Variants in OR3A2 observed in about 807,000 individuals in gnomAD.
OR3A2 encodes olfactory receptor family 3 subfamily A member 2.
For synonymous variants in OR3A2, 126 were observed against 159.3 expected (o/e 0.79, Z 1.57); for missense variants, 318 against 392.8 (o/e 0.81, Z 1.61).
intron 3 of OR3A2, among the ~76,000 whole-genome samples, chr17:3,314,399 TTAAA>T (rs753842824): frequency 6.6e-6 from 1 of 152,232 alleles, no homozygotes. Context: ...TGTAAATAAT[TTAAA>T]TAAAAAGCAT....
At chr17:3,291,899 G>A (rs1276724360) in intron 3 of OR3A2, 1 of 1,614,246 alleles carries the variant, frequency 6.2e-7, no homozygotes. Context: ...GAATTCGCAG[G>A]ACTGCAGCTG....
chr17:3,360,226 G>T (rs1006625485), intron 2 of OR3A2, among the ~76,000 whole-genome samples: 3 of 150,836 alleles, frequency 2.0e-5, no homozygotes, highest in Admixed American at 6.6e-5. Flanking sequence ...CTTCTTTTGC[G>T]AAGTGTCTGT....
At chr17:3,310,051 T>C (rs563371231) in intron 3 of OR3A2, 3 of 241,744 alleles carry the variant, frequency 1.2e-5, no homozygotes, top group African/African-American at 4.4e-5. Context: ...TTCCCCTTTC[T>C]ACATCAATTC....
chr17:3,382,631 G>A (rs1329781662), intron 2 of OR3A2, among the ~76,000 whole-genome samples: 2 of 152,158 alleles, frequency 1.3e-5, no homozygotes, highest in Non-Finnish European at 2.9e-5. Context: ...CAGCACTAGG[G>A]AGGAAGAGGC....
chr17:3,333,216 A>G (rs1380269288), intron 3 of OR3A2, among the ~76,000 whole-genome samples: 1 of 152,182 alleles, frequency 6.6e-6, no homozygotes, highest in East Asian at 1.9e-4. Flanking sequence ...AAGGACTGAA[A>G]TACGCCCTGG....
At chr17:3,291,832 CCA>C in intron 3 of OR3A2, 1 of 1,613,900 alleles carries the variant, frequency 6.2e-7, no homozygotes, top group Non-Finnish European at 8.5e-7. Context: ...AATATGGCAA[CCA>C]CAGTGAGGTG....
At chr17:3,345,444 GAC>G (rs2049355210) in intron 2 of OR3A2, among the ~76,000 whole-genome samples, 1 of 151,480 alleles carries the variant, frequency 6.6e-6, no homozygotes, top group African/African-American at 2.4e-5. Context: ...GAGAGATAGA[GAC>G]AGAGAGAGAG....
chr17:3,326,190 T>A (rs533501925), intron 3 of OR3A2, among the ~76,000 whole-genome samples: 1 of 152,130 alleles, frequency 6.6e-6, no homozygotes, highest in East Asian at 1.9e-4. Context: ...CAGTCTATCA[T>A]TGATGGGCAT....
chr17:3,293,190 A>G (rs1037028585), intron 3 of OR3A2, among the ~76,000 whole-genome samples: 1 of 151,752 alleles, frequency 6.6e-6, no homozygotes, highest in African/African-American at 2.4e-5. Context: ...GAGGCAATCA[A>G]CAAAAAACAA....
chr17:3,371,097 T>C (rs1019291480), intron 2 of OR3A2, among the ~76,000 whole-genome samples: 13 of 151,876 alleles, frequency 8.6e-5, no homozygotes, highest in African/African-American at 2.4e-5. Flanking sequence ...AAAACCACCA[T>C]TGTCATCATG....
intron 3 of OR3A2, among the ~76,000 whole-genome samples, chr17:3,295,301 A>T (rs1307177915): frequency 1.3e-5 from 2 of 152,106 alleles, no homozygotes; most frequent in Non-Finnish European, 2.9e-5. Context: ...TTAATATAAC[A>T]TAATCAAATA....
At chr17:3,336,243 C>T (rs2049273979) in intron 2 of OR3A2, 117 bp from the exon 2 acceptor site, 1 of 152,312 alleles carries the variant, frequency 6.6e-6, no homozygotes, top group South Asian at 2.1e-4. Context: ...CAGTACAGTG[C>T]TTTTCAGTGA....
chr17:3,329,974 G>A (rs1381596235), intron 3 of OR3A2, among the ~76,000 whole-genome samples: 2 of 146,472 alleles, frequency 1.4e-5, no homozygotes, highest in African/African-American at 2.7e-5. Flanking sequence ...TATGTATCCA[G>A]TAGTCATTCA....
chr17:3,371,833 CCA>C (rs1330967999), intron 2 of OR3A2, among the ~76,000 whole-genome samples: 4 of 138,080 alleles, frequency 2.9e-5, no homozygotes, highest in African/African-American at 1.1e-4. Context: ...GCTGACCTCC[CCA>C]CCACCTCCCG....
At position 3,311,580 on chromosome 17, in the gene OR3A2, T is replaced by G; in HGVS notation, c.-85+24453A>C. The G allele has an allele frequency of 2.4e-6, 1 of 413,656 alleles. No homozygotes were observed. Among genetic ancestry groups the G allele is most frequent in the South Asian group, 2.0e-5 (1 of 50,450 alleles). 25.6% of individuals were successfully genotyped at this position (413,656 alleles called of 1,614,324 possible). On this transcript the variant is annotated intron_variant, in intron 3 of 4. Coordinates refer to the OR3A2 transcript ENST00000573491. This position sits in a 1 kb window ranked among gnomAD's most constrained non-coding sequence, Gnocchi z 4.6. ...TCTCTTGCTCCAGCATCCACCTCAA[T>G]GGGCAGCTGCTGCTTGTGGGGGCCA...
chr17:3,335,119 G>C (rs565298182), intron 3 of OR3A2, among the ~76,000 whole-genome samples: 1 of 152,214 alleles, frequency 6.6e-6, no homozygotes, highest in African/African-American at 2.4e-5. Flanking sequence ...TCATTTGTCT[G>C]TTTGTAAATT....
intron 2 of OR3A2, among the ~76,000 whole-genome samples, chr17:3,344,512 T>C (rs982183490): frequency 6.6e-6 from 1 of 152,128 alleles, no homozygotes; most frequent in Non-Finnish European, 1.5e-5. Flanking sequence ...TTCCCTTCTC[T>C]TCTGGGAGTT....
chr17:3,372,221 C>G (rs1303036907), intron 2 of OR3A2, among the ~76,000 whole-genome samples: 1 of 144,788 alleles, frequency 6.9e-6, no homozygotes, highest in Non-Finnish European at 1.5e-5. Flanking sequence ...ACATCTCAGA[C>G]GATGGGCGGC....
At chr17:3,280,447 T>C (rs903825628) in intron 1 of OR3A2, among the ~76,000 whole-genome samples, 1 of 152,044 alleles carries the variant, frequency 6.6e-6, no homozygotes, top group African/African-American at 2.4e-5. Context: ...AATTTTTTTG[T>C]ATTTTTAGTA....
Sources: allele counts gnomAD v4.1 joint callset (sites outside exome capture counted in the v4.1 genomes callset), GRCh38; gene constraint gnomAD v4.1.1; non-coding constraint Gnocchi (gnomAD v3.1); transcripts MANE v1.5; gene names NCBI Gene and HGNC (gene_info 2026-07-23, HGNC 2026-07-21).